TMBIM1: variants seen among roughly 807,000 people sequenced by gnomAD.
The protein encoded by TMBIM1 is protein lifeguard 3.
In TMBIM1, 34 loss-of-function variants were observed where a neutral mutation model predicts 45.1. The ratio of observed to expected loss-of-function variants is 0.75; its 90% CI spans 0.57 to 1.00. The LOEUF (loss-of-function observed/expected upper bound fraction) is 1.00, where lower values mean the gene tolerates loss of function less well. TMBIM1 is among the 50% of genes least tolerant of loss of function. The pLI is 0.00. For missense variants in TMBIM1, 374 were observed against 402.4 expected, an observed-to-expected ratio of 0.93 and a Z score of 0.60; for synonymous variants, 157 against 153.5, an observed-to-expected ratio of 1.02 and a Z score of -0.17.
intron 1 of TMBIM1, among the ~76,000 whole-genome samples, chr2:218,289,769 A>G (rs1221492630): frequency 6.6e-6 from 1 of 152,090 alleles, no homozygotes; most frequent in Non-Finnish European, 1.5e-5. Flanking sequence ...CTGATGTGCA[A>G]CTGTTTCCAA....
At chr2:218,277,209 TC>T in intron 9 of TMBIM1, 110 bp from the exon 10 acceptor site, 1 of 1,164,588 alleles carries the variant, frequency 8.6e-7, no homozygotes, top group Non-Finnish European at 1.3e-6. Flanking sequence ...TATGGGAATG[TC>T]CACAACATTC....
intron 2 of TMBIM1, 26 bp from the exon 3 acceptor site, chr2:218,280,152 G>C (rs1363035937): frequency 6.5e-7 from 1 of 1,550,220 alleles, no homozygotes; most frequent in East Asian, 2.2e-5. Context: ...ACTTGACTCA[G>C]CTGGGGACCT....
chr2:218,291,184 A>T (rs2382818), intron 1 of TMBIM1, among the ~76,000 whole-genome samples: 54,647 of 151,756 alleles, frequency 0.36, 10,248 homozygotes, highest in Middle Eastern at 0.53. Flanking sequence ...ACCTCTCTGA[A>T]GGGCTCATTT....
chr2:218,278,243 C>T (rs1691454385), intron 6 of TMBIM1: 2 of 604,186 alleles, frequency 3.3e-6, no homozygotes, highest in Non-Finnish European at 5.8e-6. Flanking sequence ...GAGAAAGTTA[C>T]TCAGCCTCTT....
intron 1 of TMBIM1, among the ~76,000 whole-genome samples, chr2:218,284,799 A>G (rs1252721919): frequency 6.6e-6 from 1 of 152,228 alleles, no homozygotes; most frequent in East Asian, 1.9e-4. Flanking sequence ...GTGAGAAAAT[A>G]CACATAGAAG....
intron 1 of TMBIM1, among the ~76,000 whole-genome samples, chr2:218,291,506 T>C (rs1293038752): frequency 6.6e-6 from 1 of 152,198 alleles, no homozygotes; most frequent in Non-Finnish European, 1.5e-5. Flanking sequence ...CATCTGGCTC[T>C]GACCTGCGTT....
rs62182825 is a variant in TMBIM1, at chr2:218,282,573, G to A, written c.-40-392C>T. On this transcript the variant is annotated intron_variant, in intron 1 of 11. Coordinates refer to ENST00000258412, the MANE Select transcript of TMBIM1 (RefSeq NM_022152.6). ...GATGGGCCAGGCACAGCCTCCTGGCGACTCACAGGGCCAGCTGGGACCCTC... is the reference window on the plus strand; with the variant it reads ...GATGGGCCAGGCACAGCCTCCTGGCAACTCACAGGGCCAGCTGGGACCCTC... Among the ~76,000 whole-genome samples, 6 of 152,246 alleles carry A rather than the reference G, an allele frequency of 3.9e-5. No homozygotes were observed. The East Asian group carries it at 5.8e-4, about 15-fold the overall frequency.
chr2:218,278,784 C>T (rs1054957386), intron 5 of TMBIM1, among the ~76,000 whole-genome samples: 2 of 152,230 alleles, frequency 1.3e-5, no homozygotes, highest in Non-Finnish European at 2.9e-5. Context: ...CTGCAGCTGA[C>T]GGGCTGAGAG....
chr2:218,288,006 G>A (rs1692656169), intron 1 of TMBIM1, among the ~76,000 whole-genome samples: 1 of 152,260 alleles, frequency 6.6e-6, no homozygotes, highest in Non-Finnish European at 1.5e-5. Flanking sequence ...GCAGGCTGAT[G>A]CTATAATACT....
At chr2:218,283,016 G>A (rs968669876) in intron 1 of TMBIM1, among the ~76,000 whole-genome samples, 2 of 152,184 alleles carry the variant, frequency 1.3e-5, no homozygotes, top group African/African-American at 2.4e-5. Flanking sequence ...ACCCTGGAGG[G>A]GGAGACAGAT....
intron 2 of TMBIM1, among the ~76,000 whole-genome samples, chr2:218,281,401 T>G (rs1336537813): frequency 6.6e-6 from 1 of 152,068 alleles, no homozygotes; most frequent in Non-Finnish European, 1.5e-5. Flanking sequence ...CCTCCCAGAG[T>G]GCTGGGATTA....
chr2:218,291,032 G>A (rs986115051), intron 1 of TMBIM1, among the ~76,000 whole-genome samples: 1 of 152,190 alleles, frequency 6.6e-6, no homozygotes, highest in Non-Finnish European at 1.5e-5. Flanking sequence ...GGCCCAGGGT[G>A]AGGCCTGCGG....
At chr2:218,288,036 C>T (rs1393208249) in intron 1 of TMBIM1, among the ~76,000 whole-genome samples, 1 of 152,254 alleles carries the variant, frequency 6.6e-6, no homozygotes, top group African/African-American at 2.4e-5. Context: ...AGTCCCTGTT[C>T]ACTTCCTTCT....
intron 1 of TMBIM1, among the ~76,000 whole-genome samples, chr2:218,289,150 C>A (rs1414665798): frequency 6.6e-6 from 1 of 152,204 alleles, no homozygotes; most frequent in Non-Finnish European, 1.5e-5. Flanking sequence ...CAGTAAAGAT[C>A]AAAACGATAG....
chr2:218,277,111 C>A lies in TMBIM1; in HGVS notation c.640-12G>T, dbSNP rs1426577300. The A allele has an allele frequency of 6.2e-7, 1 of 1,612,416 alleles. No individual in the cohort carries two copies. Among genetic ancestry groups the A allele is most frequent in the African/African-American group, 1.3e-5 (1 of 75,012 alleles). Reference sequence around the variant, plus strand: ...GAGGTGAAGTCCACCTGCCAGGAAGCAAGAAAGAGGCACCTGTCAGATGGC... The same window carrying A: ...GAGGTGAAGTCCACCTGCCAGGAAGAAAGAAAGAGGCACCTGTCAGATGGC... On this transcript the variant is annotated splice_polypyrimidine_tract_variant and intron_variant, in intron 9 of 11. Coordinates refer to ENST00000258412, the MANE Select transcript of TMBIM1 (RefSeq NM_022152.6).
intron 1 of TMBIM1, among the ~76,000 whole-genome samples, chr2:218,291,949 C>T (rs894466448): frequency 1.3e-5 from 2 of 151,466 alleles, no homozygotes; most frequent in Non-Finnish European, 2.9e-5. Context: ...ACCCCCCCTT[C>T]CCCACCCCTT....
chr2:218,278,653 A>G, intron 5 of TMBIM1, 88 bp from the exon 6 acceptor site: 1 of 1,448,598 alleles, frequency 6.9e-7, no homozygotes, highest in Non-Finnish European at 9.7e-7. Context: ...GGGCCCAAAT[A>G]GCCGTTTGGA....
intron 7 of TMBIM1, 47 bp downstream of exon 7, chr2:218,277,888 C>T: frequency 6.2e-7 from 1 of 1,613,012 alleles, no homozygotes; most frequent in Non-Finnish European, 8.5e-7. Context: ...TGGGAGCAGT[C>T]TCCCTCACAG....
chr2:218,281,130 T>TTTTTTTTTTTTTGG (rs71064426), intron 2 of TMBIM1: 43,202 of 116,644 alleles, frequency 0.37, 7,159 homozygotes, highest in Middle Eastern at 0.48. Context: ...TTGTTTTTTG[T>TTTTTTTTTTTTTGG]TTTTTTTTTG....
Sources: gnomAD v4.1 joint callset for allele counts (sites outside exome capture counted in the v4.1 genomes callset) on GRCh38, gnomAD v4.1.1 for gene constraint, MANE v1.5 for transcripts, NCBI Gene and HGNC (gene_info 2026-07-23, HGNC 2026-07-21) for gene names.